KIAA1217: variants seen among roughly 807,000 people sequenced by gnomAD.
The protein encoded by KIAA1217 is sickle tail protein homolog.
Under a neutral mutation model 163.9 loss-of-function variants are expected in KIAA1217, and 88 were observed. That is an observed-to-expected ratio of 0.54 (90% confidence interval 0.45 to 0.64). The LOEUF (loss-of-function observed/expected upper bound fraction) is 0.64. KIAA1217 is among the 30% of genes least tolerant of loss of function. The pLI, the probability that KIAA1217 is intolerant of heterozygous loss-of-function variation, is 0.00. For missense variants in KIAA1217, 2,372 were observed against 2,475.0 expected (o/e 0.96, Z 0.88); for synonymous variants, 903 against 923.1 (o/e 0.98, Z 0.39).
intron 2 of KIAA1217, among the ~76,000 whole-genome samples, chr10:24,114,348 A>G (rs1343623552): frequency 6.6e-6 from 1 of 152,066 alleles, no homozygotes; most frequent in Non-Finnish European, 1.5e-5. Context: ...AATAATAATA[A>G]TAATAAAAGA....
intron 1 of KIAA1217, among the ~76,000 whole-genome samples, chr10:23,950,412 C>G (rs1323194719): frequency 6.7e-6 from 1 of 149,832 alleles, no homozygotes; most frequent in Non-Finnish European, 1.5e-5. Context: ...ATTTTTTTCC[C>G]TTGGAATGTA....
chr10:24,333,669 A>C (rs2045974807), intron 2 of KIAA1217, among the ~76,000 whole-genome samples: 1 of 152,232 alleles, frequency 6.6e-6, no homozygotes, highest in Non-Finnish European at 1.5e-5. Context: ...GCTGGCCTAC[A>C]AGGTCAAGTA....
chr10:24,348,716 G>A (rs1026368098), intron 2 of KIAA1217, among the ~76,000 whole-genome samples: 1 of 152,134 alleles, frequency 6.6e-6, no homozygotes, highest in African/African-American at 2.4e-5. Context: ...TCAAGAATAA[G>A]CAGGCTAAAT....
intron 2 of KIAA1217, among the ~76,000 whole-genome samples, chr10:24,186,106 G>A (rs916508881): frequency 6.6e-6 from 1 of 151,944 alleles, no homozygotes; most frequent in African/African-American, 2.4e-5. Context: ...TAAAATTTAA[G>A]TTCTGAAATC....
chr10:23,732,161 C>T (rs960596030), intron 1 of KIAA1217, among the ~76,000 whole-genome samples: 54 of 151,988 alleles, frequency 3.6e-4, no homozygotes, highest in African/African-American at 1.2e-3. Context: ...GTAAAGAGCT[C>T]GTGTAATTTC....
chr10:24,375,796 A>G (rs1193311087), intron 2 of KIAA1217, among the ~76,000 whole-genome samples: 2 of 152,216 alleles, frequency 1.3e-5, no homozygotes, highest in African/African-American at 4.8e-5. Flanking sequence ...TCTTTTCACA[A>G]TAGAACGTAA....
chr10:24,522,846 G>A (rs986943020), intron 12 of KIAA1217, among the ~76,000 whole-genome samples: 3 of 152,118 alleles, frequency 2.0e-5, no homozygotes, highest in African/African-American at 4.8e-5. Context: ...AGGCGGTGGC[G>A]TGCCTGTAAT....
chr10:23,903,686 A>G (rs1324792508), intron 1 of KIAA1217, among the ~76,000 whole-genome samples: 1 of 152,012 alleles, frequency 6.6e-6, no homozygotes, highest in Non-Finnish European at 1.5e-5. Context: ...TTTCAGGGGA[A>G]GTAGGTCAGA....
intron 2 of KIAA1217, among the ~76,000 whole-genome samples, chr10:24,292,627 A>G (rs769675866): frequency 1.3e-5 from 2 of 152,148 alleles, no homozygotes; most frequent in Non-Finnish European, 2.9e-5. Context: ...CATATCTACT[A>G]TGGAATTACA....
intron 3 of KIAA1217, among the ~76,000 whole-genome samples, chr10:24,410,009 T>TTG (rs1183578309): frequency 2.7e-5 from 4 of 148,560 alleles, no homozygotes; most frequent in Non-Finnish European, 6.0e-5. Context: ...TTTTTTTTTT[T>TTG]TTTTTGAGAC....
chr10:23,747,081 G>A (rs542727772), intron 1 of KIAA1217, among the ~76,000 whole-genome samples: 4 of 152,246 alleles, frequency 2.6e-5, no homozygotes, highest in Non-Finnish European at 5.9e-5. Flanking sequence ...GACTACGCAG[G>A]GCCTAGGGGA....
chr10:23,865,012 T>A (rs1239060313), intron 1 of KIAA1217, among the ~76,000 whole-genome samples: 1 of 152,164 alleles, frequency 6.6e-6, no homozygotes, highest in African/African-American at 2.4e-5. Flanking sequence ...GTGAATCACA[T>A]CTAAAAATAC....
intron 2 of KIAA1217, among the ~76,000 whole-genome samples, chr10:24,176,738 C>T (rs1413771569): frequency 1.3e-5 from 2 of 152,242 alleles, no homozygotes; most frequent in Non-Finnish European, 2.9e-5. Flanking sequence ...CACTCCTTGG[C>T]CTTTGGGTGA....
At chr10:24,377,746 T>C (rs373619542) in intron 2 of KIAA1217, among the ~76,000 whole-genome samples, 3 of 152,310 alleles carry the variant, frequency 2.0e-5, no homozygotes, top group Admixed American at 1.3e-4. Flanking sequence ...ATGGGAACTA[T>C]GATTATGGAA....
chr10:24,545,070 G>A lies in KIAA1217; in HGVS notation c.5301G>A (p.Gln1767=), dbSNP rs1418904713. 8 of 1,614,124 alleles carry A rather than the reference G, an allele frequency of 5.0e-6. No individual in the cohort carries two copies. The South Asian group carries it at 6.6e-5, about 13-fold the overall frequency. Residue 1767 remains glutamine, a synonymous_variant, in exon 20 of 21, where the codon CAG becomes CAA. Coordinates refer to ENST00000376454, the MANE Select transcript of KIAA1217 (RefSeq NM_019590.5). Reference sequence around the variant, plus strand: ...GAACCCTGGACAAACCCGGCAAGCAGTCCAAACTGCAGGATCCCCGCCAAT... The same window carrying A: ...GAACCCTGGACAAACCCGGCAAGCAATCCAAACTGCAGGATCCCCGCCAAT... ...RPGTLDKPGK[Q]SKLQDPRQYR...
chr10:24,029,775 A>T (rs1207829350), intron 2 of KIAA1217, among the ~76,000 whole-genome samples: 1 of 152,180 alleles, frequency 6.6e-6, no homozygotes, highest in African/African-American at 2.4e-5. Context: ...CATGATGCGT[A>T]GAGTGGTTGT....
At chr10:23,746,743 T>C (rs1172513891) in intron 1 of KIAA1217, among the ~76,000 whole-genome samples, 2 of 152,058 alleles carry the variant, frequency 1.3e-5, no homozygotes, top group Non-Finnish European at 2.9e-5. Context: ...TATAGCAACG[T>C]GAATGGACTA....
At chr10:24,422,227 A>G (rs1297190215) in intron 3 of KIAA1217, among the ~76,000 whole-genome samples, 2 of 152,196 alleles carry the variant, frequency 1.3e-5, no homozygotes, top group African/African-American at 4.8e-5. Context: ...ATATGTGGGA[A>G]TTATGGGAGC....
At chr10:24,331,876 T>C (rs2045723233) in intron 2 of KIAA1217, among the ~76,000 whole-genome samples, 3 of 152,274 alleles carry the variant, frequency 2.0e-5, no homozygotes, top group African/African-American at 7.2e-5. Context: ...CTCAGCTCAC[T>C]GTAACCTCTG....
Sources: allele counts gnomAD v4.1 joint callset (sites outside exome capture counted in the v4.1 genomes callset), GRCh38; gene constraint gnomAD v4.1.1; transcripts MANE v1.5; gene names NCBI Gene and HGNC (gene_info 2026-07-23, HGNC 2026-07-21).